SEC62: variants seen among roughly 807,000 people sequenced by gnomAD.
SEC62 encodes SEC62 preprotein translocation factor, also known as translocation protein SEC62.
In SEC62, 10 loss-of-function variants were observed where a neutral mutation model predicts 47.5. The observed-to-expected ratio is 0.21, with a 90% CI of 0.13 to 0.36. The LOEUF is 0.36. Ranked by LOEUF, SEC62 falls within the 10% of genes least tolerant of loss-of-function variation. The pLI, the probability that SEC62 is intolerant of heterozygous loss-of-function variation, is 1.00. For synonymous variants in SEC62, 136 were observed against 150.5 expected (o/e 0.90, Z 0.71); for missense variants, 327 against 464.1 (o/e 0.70, Z 2.71).
intron 4 of SEC62, 48 bp downstream of exon 4, chr3:169,982,959 C>T (rs1715017777): frequency 3.2e-6 from 5 of 1,546,592 alleles, no homozygotes; most frequent in Non-Finnish European, 3.5e-6. Flanking sequence ...ATTATGTGCA[C>T]ATGAACACTA....
chr3:169,968,640 C>T (rs375445764), intron 1 of SEC62: 26 of 152,182 alleles, frequency 1.7e-4, no homozygotes, highest in African/African-American at 6.3e-4. Context: ...TGGCACGCAG[C>T]CCCTCCCTTC....
At chr3:169,970,523 T>C (rs1714672970) in intron 1 of SEC62, among the ~76,000 whole-genome samples, 2 of 152,340 alleles carry the variant, frequency 1.3e-5, no homozygotes, top group South Asian at 4.1e-4. Context: ...AACTTAGAAA[T>C]GTCAAACTCT....
Position 169,985,879 on chromosome 3 carries a change from T to A in SEC62, c.610+14T>A. On this transcript the variant is annotated intron_variant, in intron 6 of 7. Transcript: ENST00000337002. ...GATTAATTCTTGGTAAGTAGTGAGA[T>A]GTTAATAGCTATAAAGTGCAATCTA... 1 of 1,582,542 alleles carries A rather than the reference T, an allele frequency of 6.3e-7. No homozygotes were observed. The highest frequency in any genetic ancestry group is 8.7e-7 in the Non-Finnish European group (1 of 1,153,750).
chr3:169,996,386 T>C lies in SEC62; in HGVS notation c.*3323T>C, dbSNP rs933773292. 5 of 152,646 alleles carry C rather than the reference T, an allele frequency of 3.3e-5. No individual in the cohort carries two copies. Among genetic ancestry groups the C allele is most frequent in the African/African-American group, 1.2e-4 (5 of 41,452 alleles). The allele number at this position is 152,646 out of a possible 1,614,324, so 9.5% of individuals were successfully genotyped here. On this transcript the variant is annotated 3_prime_UTR_variant, in exon 8 of 8. Coordinates refer to ENST00000337002, the MANE Select transcript of SEC62 (RefSeq NM_003262.4). ...TTCAGGTCTTTGCTCATTCACTCAG[T>C]AATACTGAGCACTTACCATGTACCA...
intron 3 of SEC62, among the ~76,000 whole-genome samples, chr3:169,979,282 A>G (rs1191215992): frequency 3.3e-5 from 5 of 152,222 alleles, no homozygotes; most frequent in Non-Finnish European, 7.3e-5. Flanking sequence ...ATAGCAGACA[A>G]AATCACAAAG....
chr3:169,982,619 T>C (rs1405669246), intron 3 of SEC62, 88 bp from the exon 4 acceptor site: 2 of 1,498,466 alleles, frequency 1.3e-6, no homozygotes, highest in Non-Finnish European at 1.8e-6. Context: ...TATGCCTTCC[T>C]TTGCTTATTT....
At chr3:169,979,233 G>T (rs1017706550) in intron 3 of SEC62, among the ~76,000 whole-genome samples, 1 of 152,130 alleles carries the variant, frequency 6.6e-6, no homozygotes, top group African/African-American at 2.4e-5. Flanking sequence ...TAATATAACC[G>T]TAGAGTCTTA....
At position 169,996,759 on chromosome 3, in the gene SEC62, C is replaced by G. The variant is rs957375879; in HGVS notation, c.*3696C>G. 2 of 152,336 alleles carry G rather than the reference C, an allele frequency of 1.3e-5. No individual in the cohort carries two copies. The highest frequency in any genetic ancestry group is 4.8e-5 in the African/African-American group (2 of 41,462). The allele number at this position is 152,336 out of a possible 1,614,324, so 9.4% of individuals were successfully genotyped here. Reference sequence around the variant, plus strand: ...GCTTTCCAGGTTGCCAGTCCCTGCACTCTTCCTTTCTGGCCAAGGATGATG... The same window carrying G: ...GCTTTCCAGGTTGCCAGTCCCTGCAGTCTTCCTTTCTGGCCAAGGATGATG... On this transcript the variant is annotated 3_prime_UTR_variant, in exon 8 of 8. Transcript: ENST00000337002.
chr3:169,982,130 T>A (rs1714989111), intron 3 of SEC62, among the ~76,000 whole-genome samples: 1 of 152,236 alleles, frequency 6.6e-6, no homozygotes, highest in East Asian at 1.9e-4. Flanking sequence ...TTCAATTTGA[T>A]GTTGTGCACG....
chr3:169,989,978 TATATATGATATATAG>T (rs1465519676), intron 7 of SEC62, among the ~76,000 whole-genome samples: 39 of 146,608 alleles, frequency 2.7e-4, no homozygotes, highest in Non-Finnish European at 4.2e-4. Context: ...TATATATGAA[TATATATGATATATAG>T]ATATATGATA....
chr3:169,971,789 G>A (rs1714705133), intron 1 of SEC62, among the ~76,000 whole-genome samples: 1 of 152,172 alleles, frequency 6.6e-6, no homozygotes. Flanking sequence ...TCTATCAGCA[G>A]TCAGTAGATT....
chr3:169,985,068 T>G (rs1349146099), intron 5 of SEC62: 1 of 152,068 alleles, frequency 6.6e-6, no homozygotes, highest in Non-Finnish European at 1.5e-5. Flanking sequence ...GATCTTTGTG[T>G]CTTCTCAGGA....
chr3:169,987,179 C>T (rs1310223478), intron 6 of SEC62, among the ~76,000 whole-genome samples: 3 of 151,968 alleles, frequency 2.0e-5, no homozygotes, highest in African/African-American at 7.3e-5. Context: ...GTAATCCTAA[C>T]ACTTTAGGAG....
At chr3:169,971,501 C>A (rs1163883024) in intron 1 of SEC62, among the ~76,000 whole-genome samples, 4 of 152,202 alleles carry the variant, frequency 2.6e-5, no homozygotes, top group Admixed American at 2.6e-4. Flanking sequence ...AATTGCAATA[C>A]TTTAAGAAAG....
intron 6 of SEC62, among the ~76,000 whole-genome samples, chr3:169,986,198 A>G (rs1477433201): frequency 2.0e-5 from 3 of 152,200 alleles, no homozygotes; most frequent in African/African-American, 7.2e-5. Context: ...TTAACATTAA[A>G]GGTCTTAGAA....
In SEC62 at chr3:169,995,931, C is replaced by T. The variant is rs1715363558; in HGVS notation, c.*2868C>T. 6.6e-6 allele frequency: 1 copy of T among 152,192 alleles called. No homozygotes were observed. The highest frequency in any genetic ancestry group is 2.4e-5 in the African/African-American group (1 of 41,448). The allele number at this position is 152,192 out of a possible 1,614,324, so 9.4% of individuals were successfully genotyped here. The stretch of plus-strand genomic sequence containing the variant: ...TGACACATAAGCTTCATAAGGCACA[C>T]AACAGCCTTTTTACCCTTAGGAACA... On this transcript the variant is annotated 3_prime_UTR_variant, in exon 8 of 8. Coordinates refer to ENST00000337002, the MANE Select transcript of SEC62 (RefSeq NM_003262.4).
Position 169,992,985 on chromosome 3 carries a change from A to G in SEC62, c.1122A>G (p.Gln374=). ...EMITKEELEQ[Q]TDGDCEEDEE... ...TAACAAAAGAGGAACTGGAACAGCA[A>G]ACAGATGGGGATTGTGAAGAGGATG... Residue 374 remains glutamine, a synonymous_variant, in exon 8 of 8, where the codon CAA becomes CAG. Coordinates refer to ENST00000337002, the MANE Select transcript of SEC62 (RefSeq NM_003262.4). This position sits in a 1 kb window ranked among gnomAD's most constrained non-coding sequence, Gnocchi z 4.0. The G allele has an allele frequency of 6.2e-7, 1 of 1,613,942 alleles. No homozygotes were observed. Among genetic ancestry groups the G allele is most frequent in the Non-Finnish European group, 8.5e-7 (1 of 1,179,890 alleles).
intron 7 of SEC62, 45 bp downstream of exon 7, chr3:169,988,404 G>A: frequency 1.2e-6 from 2 of 1,601,626 alleles, no homozygotes; most frequent in Non-Finnish European, 1.7e-6. Context: ...GGTTGGTATT[G>A]AGCAGTTGGA....
chr3:169,982,512 CT>C, intron 3 of SEC62, 194 bp from the exon 4 acceptor site: 1 of 576,666 alleles, frequency 1.7e-6, no homozygotes, highest in Non-Finnish European at 3.2e-6. Context: ...GTTTTGACAA[CT>C]TTTATATAAT....
Sources: gnomAD v4.1 joint callset for allele counts (sites outside exome capture counted in the v4.1 genomes callset) on GRCh38, gnomAD v4.1.1 for gene constraint, Gnocchi (gnomAD v3.1) non-coding constraint, MANE v1.5 for transcripts, NCBI Gene and HGNC (gene_info 2026-07-23, HGNC 2026-07-21) for gene names.